The following GRID2 variants were observed in gnomAD, a reference collection of about 807,000 sequenced individuals.
GRID2 encodes glutamate ionotropic receptor delta type subunit 2, also known as glutamate receptor ionotropic, delta-2.
Under a neutral mutation model 114.8 loss-of-function variants are expected in GRID2, and 33 were observed. The observed-to-expected ratio is 0.29, with a 90% CI of 0.22 to 0.38. The LOEUF (loss-of-function observed/expected upper bound fraction) is 0.38. Ranked by LOEUF, GRID2 falls within the 10% of genes least tolerant of loss-of-function variation. The pLI is 1.00. For missense variants in GRID2, 1,184 were observed against 1,257.7 expected, an observed-to-expected ratio of 0.94 and a Z score of 0.89; for synonymous variants, 505 against 449.9, an observed-to-expected ratio of 1.12 and a Z score of -1.55.
chr4:93,726,687 A>T (rs948256141), intron 14 of GRID2, among the ~76,000 whole-genome samples: 3 of 152,064 alleles, frequency 2.0e-5, no homozygotes, highest in African/African-American at 7.3e-5. Flanking sequence ...GTTCTCCTTG[A>T]AGAGGTCCTT....
intron 8 of GRID2, among the ~76,000 whole-genome samples, chr4:93,370,476 GACACAC>G (rs201475954): frequency 3.6e-5 from 5 of 139,238 alleles, no homozygotes; most frequent in African/African-American, 1.3e-4. Context: ...CGCACACAGA[GACACAC>G]ACACACACGC....
intron 1 of GRID2, among the ~76,000 whole-genome samples, chr4:92,529,008 C>G (rs1725180726): frequency 6.6e-6 from 1 of 151,952 alleles, no homozygotes; most frequent in South Asian, 2.1e-4. Context: ...AGATAGGAAA[C>G]TGCAAAAAGA....
chr4:92,967,240 T>A (rs934121437), intron 2 of GRID2, among the ~76,000 whole-genome samples: 1 of 151,998 alleles, frequency 6.6e-6, no homozygotes, highest in East Asian at 1.9e-4. Context: ...TAAGCATGGT[T>A]CACCATTTGC....
chr4:93,620,265 C>T (rs1427858404), intron 13 of GRID2, among the ~76,000 whole-genome samples: 2 of 152,168 alleles, frequency 1.3e-5, no homozygotes, highest in Non-Finnish European at 2.9e-5. Context: ...GGTTTAATGT[C>T]ACTTTTCCAT....
intron 13 of GRID2, among the ~76,000 whole-genome samples, chr4:93,560,255 A>G (rs1467958988): frequency 7.4e-6 from 1 of 135,144 alleles, no homozygotes; most frequent in Admixed American, 7.3e-5. Context: ...AAAAAAAAAC[A>G]GAAAGAAATA....
chr4:93,090,424 A>G (rs983261675), intron 3 of GRID2, among the ~76,000 whole-genome samples: 1 of 152,196 alleles, frequency 6.6e-6, no homozygotes, highest in Non-Finnish European at 1.5e-5. Context: ...CATTGCCCAT[A>G]GGCAAAACCT....
At chr4:93,356,906 T>C (rs1018024950) in intron 8 of GRID2, among the ~76,000 whole-genome samples, 1 of 151,850 alleles carries the variant, frequency 6.6e-6, no homozygotes, top group African/African-American at 2.4e-5. Flanking sequence ...GTGCTTTGTG[T>C]GTCTTTTTAT....
intron 1 of GRID2, among the ~76,000 whole-genome samples, chr4:92,442,883 A>G (rs966399605): frequency 6.6e-6 from 1 of 152,046 alleles, no homozygotes; most frequent in African/African-American, 2.4e-5. Context: ...GTTGGGCAGG[A>G]GGGGGAGGGC....
intron 2 of GRID2, among the ~76,000 whole-genome samples, 166 bp downstream of exon 2, chr4:92,590,452 A>T (rs935942807): frequency 6.6e-6 from 1 of 152,186 alleles, no homozygotes; most frequent in Non-Finnish European, 1.5e-5. Context: ...CTTGTATTCC[A>T]GTTTTGAAAG....
chr4:93,287,174 T>C (rs756525025), intron 8 of GRID2, among the ~76,000 whole-genome samples: 17 of 152,206 alleles, frequency 1.1e-4, no homozygotes, highest in Admixed American at 2.6e-4. Context: ...TTAAGTTGAT[T>C]ACCCTATTGG....
At chr4:92,809,460 A>C (rs1053623763) in intron 2 of GRID2, among the ~76,000 whole-genome samples, 7 of 152,116 alleles carry the variant, frequency 4.6e-5, no homozygotes, top group Admixed American at 2.0e-4. Flanking sequence ...TATTTGTGAG[A>C]TACAGTAGTG....
intron 14 of GRID2, among the ~76,000 whole-genome samples, chr4:93,712,490 T>G (rs1215017056): frequency 6.6e-6 from 1 of 152,150 alleles, no homozygotes; most frequent in Non-Finnish European, 1.5e-5. Context: ...GTTTTATAAT[T>G]CTCCTTCTTA....
At chr4:92,495,158 T>C (rs761394517) in intron 1 of GRID2, among the ~76,000 whole-genome samples, 29 of 152,002 alleles carry the variant, frequency 1.9e-4, no homozygotes, top group Admixed American at 3.9e-4. Context: ...AGAGAGTGTC[T>C]AGATCAAAGA....
chr4:92,363,742 TA>T (rs1322631097), intron 1 of GRID2, among the ~76,000 whole-genome samples: 2 of 152,126 alleles, frequency 1.3e-5, no homozygotes, highest in South Asian at 2.1e-4. Flanking sequence ...TTGGTTGTGA[TA>T]TTTTTTAACA....
At chr4:93,104,906 T>C (rs1297453950) in intron 3 of GRID2, among the ~76,000 whole-genome samples, 4 of 152,032 alleles carry the variant, frequency 2.6e-5, no homozygotes, top group Non-Finnish European at 5.9e-5. Flanking sequence ...ATGGTTGAAC[T>C]AGTTTACAGT....
intron 2 of GRID2, among the ~76,000 whole-genome samples, chr4:92,715,769 C>G (rs748687635): frequency 2.0e-5 from 3 of 152,124 alleles, no homozygotes; most frequent in Non-Finnish European, 2.9e-5. Flanking sequence ...ATCACTAGGT[C>G]CCTCCCACAA....
intron 2 of GRID2, among the ~76,000 whole-genome samples, chr4:92,716,449 T>C (rs1184644872): frequency 1.3e-5 from 2 of 152,196 alleles, no homozygotes; most frequent in African/African-American, 2.4e-5. Flanking sequence ...GTTGTAATTA[T>C]GAATTAAGGC....
chr4:93,705,883 C>T (rs776736929), intron 14 of GRID2, among the ~76,000 whole-genome samples: 40 of 152,258 alleles, frequency 2.6e-4, no homozygotes, highest in Non-Finnish European at 4.4e-4. Context: ...GGTCTAGTTT[C>T]ATTTTTCTGC....
chr4:93,570,528 T>G (rs1735842673), intron 13 of GRID2, among the ~76,000 whole-genome samples: 1 of 152,070 alleles, frequency 6.6e-6, no homozygotes, highest in African/African-American at 2.4e-5. Context: ...TTAAAAAGCT[T>G]TATTAAGTGA....
Sources: allele counts gnomAD v4.1 joint callset (sites outside exome capture counted in the v4.1 genomes callset), GRCh38; gene constraint gnomAD v4.1.1; transcripts MANE v1.5; gene names NCBI Gene and HGNC (gene_info 2026-07-23, HGNC 2026-07-21).